TBC1D23: variants seen among roughly 807,000 people sequenced by gnomAD.
TBC1D23 encodes TBC1 domain family member 23, also known as HCV non-structural protein 4A-transactivated protein 1.
In TBC1D23, 55 loss-of-function variants were observed where a neutral mutation model predicts 91.4. That is an observed-to-expected ratio of 0.60 (90% confidence interval 0.48 to 0.75). The LOEUF is 0.75. TBC1D23 is among the 30% of genes least tolerant of loss of function. The pLI is 0.00. For synonymous variants in TBC1D23, 289 were observed against 281.0 expected, an observed-to-expected ratio of 1.03 and a Z score of -0.28; for missense variants, 725 against 836.1, an observed-to-expected ratio of 0.87 and a Z score of 1.64.
intron 4 of TBC1D23, among the ~76,000 whole-genome samples, chr3:100,289,960 G>A (rs532311601): frequency 6.6e-6 from 1 of 152,208 alleles, no homozygotes; most frequent in African/African-American, 2.4e-5. Flanking sequence ...GTACATGTTT[G>A]GTGCCTTTTA....
At chr3:100,318,968 C>A in intron 16 of TBC1D23, 101 bp from the exon 17 acceptor site, 1 of 717,752 alleles carries the variant, frequency 1.4e-6, no homozygotes, top group Non-Finnish European at 2.2e-6. Flanking sequence ...GTTTTTCAAT[C>A]CATATCTTCA....
chr3:100,316,749 T>C (rs1215730905), intron 16 of TBC1D23, among the ~76,000 whole-genome samples: 2 of 151,992 alleles, frequency 1.3e-5, no homozygotes, highest in Non-Finnish European at 2.9e-5. Context: ...GGCCACAAGA[T>C]GGTGATACTG....
chr3:100,316,421 G>GT (rs1281192437), intron 16 of TBC1D23, among the ~76,000 whole-genome samples: 4 of 151,984 alleles, frequency 2.6e-5, no homozygotes. Context: ...AAACCTGCAT[G>GT]TTGTGCGCAT....
chr3:100,261,142 G>T, intron 1 of TBC1D23, 71 bp downstream of exon 1: 2 of 1,463,236 alleles, frequency 1.4e-6, no homozygotes, highest in African/African-American at 1.4e-5. Context: ...CGGTCCCCGA[G>T]GAGCCGTCTG....
chr3:100,283,099 A>G (rs2067708816), intron 3 of TBC1D23, among the ~76,000 whole-genome samples: 2 of 152,248 alleles, frequency 1.3e-5, no homozygotes, highest in African/African-American at 4.8e-5. Context: ...AAGGCCAGGC[A>G]CAGTGGCCCA....
Position 100,295,327 on chromosome 3 carries a change from G to A in TBC1D23, c.751G>A (p.Asp251Asn). 1.9e-6 allele frequency: 3 copies of A among 1,610,000 alleles called. No homozygotes were observed. The highest frequency in any genetic ancestry group is 2.2e-5 in the South Asian group (2 of 90,238). Residue 251 changes from aspartate to asparagine, a missense_variant, in exon 7 of 19, where the codon GAC (aspartate) becomes AAC (asparagine). Asp to Asn is a conservative substitution (Grantham distance 23, BLOSUM62 1). Transcript: ENST00000394144. Reference sequence around the variant, plus strand: ...AGAAGTTATTTTAACACAAGAGTCAGACAGCAAAGAAGAAGTTATCAGTAA... The same window carrying A: ...AGAAGTTATTTTAACACAAGAGTCAAACAGCAAAGAAGAAGTTATCAGTAA... Reference protein sequence around the residue: ...AKEVILTQESDSKEEVIKFLE... With the variant: ...AKEVILTQESNSKEEVIKFLE...
chr3:100,267,986 C>G (rs1024833894), intron 1 of TBC1D23, among the ~76,000 whole-genome samples: 1 of 152,050 alleles, frequency 6.6e-6, no homozygotes, highest in Non-Finnish European at 1.5e-5. Flanking sequence ...TCCTGGGCAA[C>G]ATAGTGAGGC....
chr3:100,276,102 AG>A (rs904622137), intron 1 of TBC1D23, among the ~76,000 whole-genome samples: 21 of 148,018 alleles, frequency 1.4e-4, no homozygotes, highest in African/African-American at 4.2e-4. Context: ...AAAAAAAAAA[AG>A]GAGATGAACT....
chr3:100,304,114 G>T (rs1264133607), intron 11 of TBC1D23, among the ~76,000 whole-genome samples: 1 of 151,974 alleles, frequency 6.6e-6, no homozygotes, highest in Non-Finnish European at 1.5e-5. Flanking sequence ...TAGTTTATAG[G>T]TTCCTTTTTA....
chr3:100,265,940 G>C (rs922521700), intron 1 of TBC1D23, among the ~76,000 whole-genome samples: 4 of 152,072 alleles, frequency 2.6e-5, no homozygotes, highest in African/African-American at 9.7e-5. Flanking sequence ...ATTGAAATAT[G>C]AGAAAAAACT....
At chr3:100,289,304 G>T (rs1325667397) in intron 4 of TBC1D23, among the ~76,000 whole-genome samples, 1 of 152,152 alleles carries the variant, frequency 6.6e-6, no homozygotes, top group Admixed American at 6.5e-5. Flanking sequence ...TATCTTTTAA[G>T]AGTTTTTTTC....
At position 100,310,483 on chromosome 3, in the gene TBC1D23, C is replaced by T. The variant is rs867931621; in HGVS notation, c.1494C>T (p.Ser498=). The T allele has an allele frequency of 5.6e-6, 9 of 1,613,250 alleles. No homozygotes were observed. The highest frequency in any genetic ancestry group is 2.2e-5 in the East Asian group (1 of 44,810). The change falls in exon 14 of 19, where the codon TCC becomes TCT. Residue 498 remains serine, a synonymous_variant. Transcript: ENST00000394144. ...NKMTVALKTK[S]VNVREKVISF... ...TGACTGTGGCTTTGAAGACAAAATC[C>T]GTTAATGTCAGGGAAAAAGTTATCA...
At chr3:100,306,416 T>C in intron 12 of TBC1D23, 21 bp from the exon 13 acceptor site, 1 of 1,469,986 alleles carries the variant, frequency 6.8e-7, no homozygotes, top group Non-Finnish European at 9.4e-7. Context: ...GGTTTTTCTT[T>C]TTTTTTTAAT....
chr3:100,281,689 C>T, intron 2 of TBC1D23, 53 bp from the exon 3 acceptor site: 3 of 1,165,096 alleles, frequency 2.6e-6, no homozygotes, highest in South Asian at 1.3e-5. Flanking sequence ...GCATATTTTC[C>T]AAGAATGAGG....
Position 100,283,661 on chromosome 3 carries a change from C to T in TBC1D23, c.326C>T (p.Ser109Phe). The T allele has an allele frequency of 6.2e-7, 1 of 1,613,574 alleles. No individual in the cohort carries two copies. The highest frequency in any genetic ancestry group is 8.5e-7 in the Non-Finnish European group (1 of 1,179,514). ...KAAELLLDIE[S>F]VITFYCKSRN... ...GCAGAATTACTTTTGGATATTGAAT[C>T]TGTAATTACCTTTTATTGTAAATCA... is the stretch of plus-strand genomic sequence containing the variant. Residue 109 changes from serine to phenylalanine, a missense_variant, in exon 4 of 19, where the codon TCT (serine) becomes TTT (phenylalanine). By Grantham distance (155) the Ser-to-Phe change is radical. Transcript: ENST00000394144.
chr3:100,266,879 A>T (rs2148848493), intron 1 of TBC1D23, among the ~76,000 whole-genome samples: 1 of 152,326 alleles, frequency 6.6e-6, no homozygotes, highest in East Asian at 1.9e-4. Flanking sequence ...TGAAATGTGG[A>T]TTCTTTTTGG....
At chr3:100,322,108 AT>A (rs34090679) in intron 18 of TBC1D23, among the ~76,000 whole-genome samples, 35,826 of 151,480 alleles carry the variant, frequency 0.24, 4,670 homozygotes, top group East Asian at 0.5. Flanking sequence ...TAATTAATTA[AT>A]TTTTTTGAGA....
At chr3:100,307,760 T>C (rs927958804) in intron 13 of TBC1D23, among the ~76,000 whole-genome samples, 2 of 152,270 alleles carry the variant, frequency 1.3e-5, no homozygotes, top group African/African-American at 4.8e-5. Context: ...TATTTCATTT[T>C]ATGGGTGTAT....
In TBC1D23 at chr3:100,281,727, A is replaced by T; in HGVS notation, c.166-15A>T. 6.4e-7 allele frequency: 1 copy of T among 1,566,422 alleles called. No homozygotes were observed. Among genetic ancestry groups the T allele is most frequent in the Non-Finnish European group, 8.8e-7 (1 of 1,138,868 alleles). On this transcript the variant is annotated splice_polypyrimidine_tract_variant and intron_variant, in intron 2 of 18. Transcript: ENST00000394144. Reference sequence around the variant, plus strand: ...TAACATATGAAGCTAGTCACTTTTTAAATCTTTCTTCCAGATTGCTCTGAA... The same window carrying T: ...TAACATATGAAGCTAGTCACTTTTTTAATCTTTCTTCCAGATTGCTCTGAA...
Sources: allele counts gnomAD v4.1 joint callset (sites outside exome capture counted in the v4.1 genomes callset), GRCh38; gene constraint gnomAD v4.1.1; transcripts MANE v1.5; gene names NCBI Gene and HGNC (gene_info 2026-07-23, HGNC 2026-07-21).